TRIM24: variants seen among roughly 807,000 people sequenced by gnomAD.
The protein encoded by TRIM24 is transcription intermediary factor 1-alpha.
TRIM24 carries 29 observed loss-of-function variants against 123.9 expected under a neutral mutation model. The observed-to-expected ratio is 0.23, with a 90% CI of 0.17 to 0.32. The LOEUF (loss-of-function observed/expected upper bound fraction) is 0.32, where lower values mean the gene tolerates loss of function less well. Ranked by LOEUF, TRIM24 falls within the 10% of genes least tolerant of loss-of-function variation. The probability of loss-of-function intolerance (pLI) is 1.00; values close to 1 mark genes in which losing one functional copy is unlikely to be tolerated. For missense variants in TRIM24, 932 were observed against 1,295.3 expected (o/e 0.72, Z 4.31); for synonymous variants, 456 against 461.1 (o/e 0.99, Z 0.14).
intron 1 of TRIM24, among the ~76,000 whole-genome samples, chr7:138,481,139 T>C (rs1374506694): frequency 1.3e-5 from 2 of 152,224 alleles, no homozygotes; most frequent in Non-Finnish European, 1.5e-5. Context: ...ATTACAGGCA[T>C]GCGCCACTAC....
In TRIM24 at chr7:138,462,605, GCTGGGATTAC is replaced by G. The variant is rs549946735; in HGVS notation, c.364+1694_364+1703del. 5.3e-4 allele frequency among the ~76,000 whole-genome samples: 81 copies of G among 152,182 alleles called. 2 individuals carry two copies. In the South Asian group the frequency reaches 0.016, roughly 29 times the overall value. ...TCCGCCCGCCTCGGCCTCCCAAAGT[GCTGGGATTAC>G]AGGCGTGAGCCACCGCGCCCGGCCA... On this transcript the variant is annotated intron_variant, in intron 1 of 18. Coordinates refer to ENST00000343526, the MANE Select transcript of TRIM24 (RefSeq NM_015905.3).
At chr7:138,480,858 A>G (rs1162462781) in intron 1 of TRIM24, among the ~76,000 whole-genome samples, 2 of 152,116 alleles carry the variant, frequency 1.3e-5, no homozygotes, top group Non-Finnish European at 2.9e-5. Context: ...GCTTTTCCTA[A>G]GTACCAGTTA....
chr7:138,589,478 C>T lies in TRIM24; in HGVS notation c.*4527C>T, dbSNP rs983335911. 2.6e-5 allele frequency: 4 copies of T among 152,134 alleles called. No homozygotes were observed. Among genetic ancestry groups the T allele is most frequent in the African/African-American group, 9.7e-5 (4 of 41,422 alleles). The allele number at this position is 152,134 out of a possible 1,614,324, so 9.4% of individuals were successfully genotyped here. A position where few individuals can be genotyped will look rare whatever the true frequency, so the allele number is the denominator to read the frequency against. On this transcript the variant is annotated 3_prime_UTR_variant, in exon 19 of 19. Transcript: ENST00000343526. ...TCTCCATTACTACTACTGTTGTTCC[C>T]CTAGCTGTAACATTGATCCATATAG...
chr7:138,464,088 G>A (rs1260756599), intron 1 of TRIM24, among the ~76,000 whole-genome samples: 4 of 142,532 alleles, frequency 2.8e-5, no homozygotes, highest in African/African-American at 7.8e-5. Context: ...TCTGCCTCCC[G>A]GGTTCAGGCC....
chr7:138,581,000 A>C (rs1350776110), intron 16 of TRIM24, among the ~76,000 whole-genome samples: 2 of 152,104 alleles, frequency 1.3e-5, no homozygotes, highest in Non-Finnish European at 2.9e-5. Flanking sequence ...TATAGATAAG[A>C]TTTTTCCTTA....
At position 138,519,128 on chromosome 7, in the gene TRIM24, A is replaced by T. The variant is rs1796456258; in HGVS notation, c.632-61A>T. ...GATGTGAATTCAAATGAGCAATCTA[A>T]TAATTATTTACTATTCAATTATGTT... On this transcript the variant is annotated intron_variant, in intron 3 of 18. Transcript: ENST00000343526. 8 of 1,593,212 alleles carry T rather than the reference A, an allele frequency of 5.0e-6. No homozygotes were observed. The South Asian group carries it at 9.0e-5, about 18-fold the overall frequency.
chr7:138,527,920 G>C (rs892710454), intron 5 of TRIM24, among the ~76,000 whole-genome samples: 6 of 151,638 alleles, frequency 4.0e-5, no homozygotes, highest in Admixed American at 1.3e-4. Context: ...CTAGAACAAA[G>C]ACTGGACTTG....
intron 4 of TRIM24, among the ~76,000 whole-genome samples, chr7:138,524,814 A>G (rs144960526): frequency 3.5e-3 from 532 of 152,200 alleles, no homozygotes; most frequent in African/African-American, 0.012. Flanking sequence ...GTCTGTATTT[A>G]TCCTGATTTA....
chr7:138,544,591 C>T (rs762017944), intron 7 of TRIM24, among the ~76,000 whole-genome samples: 9 of 152,154 alleles, frequency 5.9e-5, no homozygotes, highest in Admixed American at 3.3e-4. Flanking sequence ...ACCTCCATAT[C>T]GTTATCCGTA....
intron 2 of TRIM24, among the ~76,000 whole-genome samples, chr7:138,508,662 A>AGG (rs1554436563): frequency 8.9e-6 from 1 of 112,830 alleles, no homozygotes; most frequent in East Asian, 3.0e-4. Context: ...TAATAAGAGG[A>AGG]GTGTGTGTGT....
intron 7 of TRIM24, among the ~76,000 whole-genome samples, chr7:138,544,082 C>T (rs1797055308): frequency 6.6e-6 from 1 of 152,090 alleles, no homozygotes; most frequent in East Asian, 1.9e-4. Flanking sequence ...ATCTGGCTGG[C>T]ATTACAGTGT....
chr7:138,472,187 AAAAT>A (rs2058621635), intron 1 of TRIM24, among the ~76,000 whole-genome samples: 2 of 152,248 alleles, frequency 1.3e-5, no homozygotes, highest in South Asian at 4.2e-4. Context: ...GGGGAGAAAA[AAAAT>A]AAAAAGTTGA....
In TRIM24 at chr7:138,585,049, G is replaced by C; in HGVS notation, c.*98G>C. ...CATCACTACAAAAAGAAGAGTTTGTGACTATTCTCATCTCTGTTTTGGACG... is the reference window on the plus strand; with the variant it reads ...CATCACTACAAAAAGAAGAGTTTGTCACTATTCTCATCTCTGTTTTGGACG... On this transcript the variant is annotated 3_prime_UTR_variant, in exon 19 of 19. Transcript: ENST00000343526. 9.4e-7 allele frequency: 1 copy of C among 1,062,104 alleles called. No homozygotes were observed. The highest frequency in any genetic ancestry group is 1.3e-6 in the Non-Finnish European group (1 of 744,320). The allele number at this position is 1,062,104 out of a possible 1,614,324, so 65.8% of individuals were successfully genotyped here.
At chr7:138,529,459 T>C (rs1212960819) in intron 6 of TRIM24, among the ~76,000 whole-genome samples, 1 of 152,194 alleles carries the variant, frequency 6.6e-6, no homozygotes, top group African/African-American at 2.4e-5. Context: ...TAGCACAAAT[T>C]ATAATGCCTT....
chr7:138,553,256 G>A (rs1797248562), intron 8 of TRIM24, among the ~76,000 whole-genome samples: 1 of 151,986 alleles, frequency 6.6e-6, no homozygotes, highest in Non-Finnish European at 1.5e-5. Flanking sequence ...TGTTACCCAT[G>A]GCTTCTGAGA....
At chr7:138,495,715 T>C (rs990227116) in intron 1 of TRIM24, among the ~76,000 whole-genome samples, 35 of 152,148 alleles carry the variant, frequency 2.3e-4, no homozygotes, top group African/African-American at 7.7e-4. Flanking sequence ...CCCAAAATGT[T>C]GGGATTACAG....
intron 11 of TRIM24, 31 bp downstream of exon 11, chr7:138,571,034 T>G (rs1797644511): frequency 7.5e-6 from 12 of 1,607,420 alleles, no homozygotes; most frequent in Non-Finnish European, 9.4e-6. Flanking sequence ...TACTAGCCTC[T>G]GTTGAAAACT....
intron 6 of TRIM24, among the ~76,000 whole-genome samples, chr7:138,529,649 C>G (rs1389227379): frequency 6.6e-6 from 1 of 152,170 alleles, no homozygotes; most frequent in Admixed American, 6.5e-5. Context: ...AAGAATATGG[C>G]TAGCCCTGCC....
intron 1 of TRIM24, among the ~76,000 whole-genome samples, chr7:138,488,135 G>A (rs551714913): frequency 7.9e-5 from 12 of 151,984 alleles, no homozygotes; most frequent in Non-Finnish European, 1.6e-4. Context: ...TTCTGTAGAG[G>A]TGTTAATAGT....
Sources: gnomAD v4.1 joint callset for allele counts (sites outside exome capture counted in the v4.1 genomes callset) on GRCh38, gnomAD v4.1.1 for gene constraint, MANE v1.5 for transcripts, NCBI Gene and HGNC (gene_info 2026-07-23, HGNC 2026-07-21) for gene names.